The following AGPAT3 variants were observed in gnomAD, a reference collection of about 807,000 sequenced individuals.
The protein encoded by AGPAT3 is 1-acylglycerol-3-phosphate O-acyltransferase 3.
In AGPAT3, 5 loss-of-function variants were observed where a neutral mutation model predicts 47.3. The ratio of observed to expected loss-of-function variants is 0.11; its 90% CI spans 0.06 to 0.22. The LOEUF (loss-of-function observed/expected upper bound fraction) is 0.22. Among genes scored for constraint, AGPAT3 ranks in the 10% least tolerant of loss-of-function variants. The pLI, the probability that AGPAT3 is intolerant of heterozygous loss-of-function variation, is 1.00. For missense variants in AGPAT3, 315 were observed against 493.0 expected (o/e 0.64, Z 3.42); for synonymous variants, 212 against 208.3 (o/e 1.02, Z -0.15).
intron 2 of AGPAT3, among the ~76,000 whole-genome samples, chr21:43,956,833 C>T (rs1173487802): frequency 6.6e-6 from 1 of 152,216 alleles, no homozygotes; most frequent in Admixed American, 6.5e-5. Flanking sequence ...TGTGATGTGG[C>T]CATCCTGGGA....
chr21:43,878,804 G>A (rs2085790013), intron 1 of AGPAT3, among the ~76,000 whole-genome samples: 1 of 149,462 alleles, frequency 6.7e-6, no homozygotes, highest in Admixed American at 6.7e-5. Flanking sequence ...GTGCAATCTC[G>A]ATCTTGGCTC....
At chr21:43,927,399 TCCC>T (rs1457028201) in intron 2 of AGPAT3, among the ~76,000 whole-genome samples, 2 of 152,100 alleles carry the variant, frequency 1.3e-5, no homozygotes, top group Non-Finnish European at 2.9e-5. Flanking sequence ...TGGGTCTGTC[TCCC>T]CCAGGCTGTG....
rs1188086882 is a variant in AGPAT3 at position 43,970,631 on chromosome 21, C to G, written c.511-22C>G. On this transcript the variant is annotated intron_variant, in intron 5 of 9. Transcript: ENST00000291572. This position sits in a 1 kb window ranked among gnomAD's most constrained non-coding sequence, Gnocchi z 5.8. Reference sequence around the variant, plus strand: ...CACCCCAGCTGCTCTGTGGAGTGACCCTGTCTCCGTGTTGATCCTAGTTTC... The same window carrying G: ...CACCCCAGCTGCTCTGTGGAGTGACGCTGTCTCCGTGTTGATCCTAGTTTC... 3.7e-6 allele frequency: 6 copies of G among 1,612,534 alleles called. No homozygotes were observed. In the Admixed American group the frequency reaches 6.7e-5, roughly 18 times the overall value.
At chr21:43,931,563 G>A (rs531509372) in intron 2 of AGPAT3, among the ~76,000 whole-genome samples, 1 of 152,282 alleles carries the variant, frequency 6.6e-6, no homozygotes, top group Non-Finnish European at 1.5e-5. Flanking sequence ...CCTTGAAAAA[G>A]AGATGTGGAG....
At position 43,878,767 on chromosome 21, in the gene AGPAT3, C is replaced by T. The variant is rs921820161; in HGVS notation, c.-112+13422C>T. ...TTTTTTTTTTGGACACAGAGTTTTA[C>T]TCTGTTGCCCAGACGGGAGTGCAGT... On this transcript the variant is annotated intron_variant, in intron 1 of 9. Coordinates refer to ENST00000291572, the MANE Select transcript of AGPAT3 (RefSeq NM_020132.5). 2.0e-4 allele frequency among the ~76,000 whole-genome samples: 29 copies of T among 145,966 alleles called. 1 individual carries two copies. The highest frequency in any genetic ancestry group is 4.5e-5 in the Non-Finnish European group (3 of 67,054).
At chr21:43,959,604 C>T in intron 2 of AGPAT3, 30 bp from the exon 3 acceptor site, 2 of 1,595,904 alleles carry the variant, frequency 1.3e-6, no homozygotes, top group African/African-American at 1.3e-5. Context: ...CGTGGCCACC[C>T]TGACGCTGTC....
Position 43,939,605 on chromosome 21 carries a change from C to G in AGPAT3, c.-48-20029C>G, listed in dbSNP as rs1601364182. 6.6e-6 allele frequency among the ~76,000 whole-genome samples: 1 copy of G among 152,196 alleles called. No homozygotes were observed. Among genetic ancestry groups the G allele is most frequent in the African/African-American group, 2.4e-5 (1 of 41,446 alleles). The stretch of plus-strand genomic sequence containing the variant: ...GAGTGTCGCGGGCGCCTGGCCTGTC[C>G]GGCAGGCTGGGTGGCTGTTCTCTGT... On this transcript the variant is annotated intron_variant, in intron 2 of 9. Transcript: ENST00000291572. The surrounding 1 kb of genome is among the most constrained non-coding windows in gnomAD (Gnocchi z 4.4).
chr21:43,977,997 T>G, intron 7 of AGPAT3, 49 bp from the exon 8 acceptor site: 72 of 1,510,534 alleles, frequency 4.8e-5, no homozygotes, highest in Non-Finnish European at 5.9e-5. Context: ...CTTTCTAGTG[T>G]GAGGTCATGT....
chr21:43,923,879 C>T (rs1601319163), intron 2 of AGPAT3, among the ~76,000 whole-genome samples: 2 of 152,288 alleles, frequency 1.3e-5, no homozygotes, highest in South Asian at 4.1e-4. Flanking sequence ...TGGTCTCCAG[C>T]CCCTGTCCTT....
intron 2 of AGPAT3, among the ~76,000 whole-genome samples, chr21:43,919,541 G>A (rs867891401): frequency 2.6e-5 from 4 of 152,048 alleles, no homozygotes; most frequent in Admixed American, 6.6e-5. Context: ...TTCACTCTTC[G>A]GTCCATGGAT....
At chr21:43,892,161 C>T (rs577897063) in intron 1 of AGPAT3, among the ~76,000 whole-genome samples, 11 of 152,090 alleles carry the variant, frequency 7.2e-5, no homozygotes, top group Non-Finnish European at 1.6e-4. Context: ...ACAAAAATTA[C>T]CCAGGCGTGG....
intron 2 of AGPAT3, among the ~76,000 whole-genome samples, chr21:43,929,263 C>G (rs534048393): frequency 6.6e-6 from 1 of 152,206 alleles, no homozygotes; most frequent in African/African-American, 2.4e-5. Flanking sequence ...CTCCAGAGCA[C>G]AGGAGACGGG....
chr21:43,905,376 G>C (rs996910808), intron 2 of AGPAT3, among the ~76,000 whole-genome samples: 1 of 151,980 alleles, frequency 6.6e-6, no homozygotes, highest in African/African-American at 2.4e-5. Context: ...TTTTAGTAGA[G>C]ATGGGGTTTC....
intron 1 of AGPAT3, among the ~76,000 whole-genome samples, chr21:43,892,391 C>T (rs1035972518): frequency 1.3e-5 from 2 of 152,056 alleles, no homozygotes; most frequent in African/African-American, 4.8e-5. Context: ...ATGAAAGCAA[C>T]ATTCATCTCC....
intron 3 of AGPAT3, among the ~76,000 whole-genome samples, chr21:43,962,603 T>C (rs1194638345): frequency 6.6e-6 from 1 of 152,092 alleles, no homozygotes; most frequent in Non-Finnish European, 1.5e-5. Context: ...TTCCACCAAA[T>C]CCCTTTAGCA....
intron 2 of AGPAT3, among the ~76,000 whole-genome samples, chr21:43,915,774 T>C (rs2086714444): frequency 6.6e-6 from 1 of 152,280 alleles, no homozygotes; most frequent in Middle Eastern, 3.4e-3. Context: ...TAAAAAAAAT[T>C]TCAATTTAGC....
intron 8 of AGPAT3, 82 bp from the exon 9 acceptor site, chr21:43,980,907 A>AT: frequency 2.2e-6 from 3 of 1,368,800 alleles, no homozygotes; most frequent in East Asian, 2.3e-5. Flanking sequence ...GTCGTTTTTC[A>AT]TTGCCAACAA....
At position 43,982,369 on chromosome 21, in the gene AGPAT3, C is replaced by A; in HGVS notation, c.1108C>A (p.Gln370Lys). 1.2e-6 allele frequency: 2 copies of A among 1,613,740 alleles called. No individual in the cohort carries two copies. The highest frequency in any genetic ancestry group is 1.7e-6 in the Non-Finnish European group (2 of 1,179,712). ...EIEKGSSYGNQEFKKKE is the reference protein window; with the variant it reads ...EIEKGSSYGNKEFKKKE Reference sequence around the variant, plus strand: ...AGAAAAAGGCTCCAGCTACGGAAACCAAGAGTTTAAGAAAAAGGAATAATT... The same window carrying A: ...AGAAAAAGGCTCCAGCTACGGAAACAAAGAGTTTAAGAAAAAGGAATAATT... The change falls in exon 10 of 10, where the codon CAA becomes AAA. Residue 370 changes from glutamine (Q) to lysine (K), a missense_variant. By Grantham distance (53) the Gln-to-Lys change is moderately conservative. Coordinates refer to ENST00000291572, the MANE Select transcript of AGPAT3 (RefSeq NM_020132.5). This position sits in a 1 kb window ranked among gnomAD's most constrained non-coding sequence, Gnocchi z 6.2.
At chr21:43,907,041 T>C (rs1410700957) in intron 2 of AGPAT3, among the ~76,000 whole-genome samples, 2 of 149,066 alleles carry the variant, frequency 1.3e-5, no homozygotes, top group Non-Finnish European at 3.0e-5. Context: ...TTTTTTTTTT[T>C]TTTTTTTTGA....
Sources: gnomAD v4.1 joint callset for allele counts (sites outside exome capture counted in the v4.1 genomes callset) on GRCh38, gnomAD v4.1.1 for gene constraint, Gnocchi (gnomAD v3.1) non-coding constraint, MANE v1.5 for transcripts, NCBI Gene and HGNC (gene_info 2026-07-23, HGNC 2026-07-21) for gene names.